The following LPP variants were observed in gnomAD, a reference collection of about 807,000 sequenced individuals.
The protein encoded by LPP is lipoma-preferred partner.
Under a neutral mutation model 60.4 loss-of-function variants are expected in LPP, and 38 were observed. That is an observed-to-expected ratio of 0.63 (90% CI 0.49 to 0.83). The LOEUF is 0.83. Among genes scored for constraint, LPP ranks in the 40% least tolerant of loss-of-function variants. LPP has a pLI of 0.00. For synonymous variants in LPP, 328 were observed against 290.8 expected, an observed-to-expected ratio of 1.13 and a Z score of -1.30; for missense variants, 902 against 783.6, an observed-to-expected ratio of 1.15 and a Z score of -1.80.
At chr3:188,757,756 T>C (rs979464415) in intron 8 of LPP, among the ~76,000 whole-genome samples, 8 of 152,158 alleles carry the variant, frequency 5.3e-5, no homozygotes, top group Admixed American at 1.3e-4. Context: ...ATCATATGGA[T>C]TGGTAATCCA....
intron 1 of LPP, among the ~76,000 whole-genome samples, chr3:188,185,858 T>C (rs1726445403): frequency 7.1e-6 from 1 of 141,518 alleles, no homozygotes; most frequent in African/African-American, 2.5e-5. Context: ...CTGATTCATG[T>C]CTCCCCTCTC....
chr3:188,395,840 G>A (rs528978326), intron 3 of LPP, among the ~76,000 whole-genome samples: 30 of 152,202 alleles, frequency 2.0e-4, no homozygotes, highest in African/African-American at 7.2e-4. Flanking sequence ...CTTGAGTCTA[G>A]GAGTTGCAGG....
At chr3:188,607,676 G>A (rs572761579) in intron 6 of LPP, among the ~76,000 whole-genome samples, 1 of 151,676 alleles carries the variant, frequency 6.6e-6, no homozygotes, top group African/African-American at 2.4e-5. Context: ...GTTTTATTAT[G>A]ATTTAACATT....
intron 6 of LPP, among the ~76,000 whole-genome samples, chr3:188,607,765 A>G (rs1033113999): frequency 6.6e-6 from 1 of 152,202 alleles, no homozygotes; most frequent in Admixed American, 6.5e-5. Context: ...ATACTTCAAA[A>G]TTCACCTATT....
intron 8 of LPP, among the ~76,000 whole-genome samples, chr3:188,737,370 T>C (rs1310084577): frequency 6.6e-6 from 1 of 152,186 alleles, no homozygotes; most frequent in Non-Finnish European, 1.5e-5. Context: ...AAAGATTTTA[T>C]GAGCCAGTAA....
intron 3 of LPP, among the ~76,000 whole-genome samples, chr3:188,370,515 A>G (rs1275654095): frequency 6.6e-6 from 1 of 152,088 alleles, no homozygotes; most frequent in African/African-American, 2.4e-5. Context: ...TAACTCCTCA[A>G]TTAGATTCCG....
chr3:188,718,996 C>T (rs1044730393), intron 8 of LPP, among the ~76,000 whole-genome samples: 5 of 151,916 alleles, frequency 3.3e-5, no homozygotes, highest in African/African-American at 1.2e-4. Context: ...TTTTTTAATT[C>T]ACTTAAGGGC....
rs1256265352 is a variant in LPP at position 188,280,227 on chromosome 3, A to G, written c.-67+54700A>G. On this transcript the variant is annotated intron_variant, in intron 2 of 11. Coordinates refer to ENST00000617246, the MANE Select transcript of LPP (RefSeq NM_001375462.1). ...TTTGTAACCCGAAGAGGGTGATGTA[A>G]TGGCCCAGATGAAAGGAGAAAGCGG... 2.0e-5 allele frequency among the ~76,000 whole-genome samples: 3 copies of G among 152,128 alleles called. No homozygotes were observed. The East Asian group carries it at 5.8e-4, about 29-fold the overall frequency.
chr3:188,253,892 C>T (rs1730774217), intron 2 of LPP, among the ~76,000 whole-genome samples: 1 of 152,240 alleles, frequency 6.6e-6, no homozygotes, highest in East Asian at 1.9e-4. Context: ...TCCTCTGGTT[C>T]CTCGCCGCAT....
At chr3:188,288,624 C>G (rs1013518413) in intron 2 of LPP, among the ~76,000 whole-genome samples, 39 of 152,018 alleles carry the variant, frequency 2.6e-4, no homozygotes. Context: ...CTACACCTGT[C>G]TATACACATA....
At chr3:188,708,184 T>C (rs1016687431) in intron 7 of LPP, 83 bp from the exon 8 acceptor site, 2 of 1,512,672 alleles carry the variant, frequency 1.3e-6, no homozygotes, top group Admixed American at 3.7e-5. Flanking sequence ...TCCTCTCCAG[T>C]GCAATCGCTG....
At chr3:188,297,540 A>C (rs1038143923) in intron 2 of LPP, among the ~76,000 whole-genome samples, 5 of 152,246 alleles carry the variant, frequency 3.3e-5, no homozygotes, top group African/African-American at 1.2e-4. Context: ...TTGCTTAAAG[A>C]AAACAAAAGA....
intron 4 of LPP, among the ~76,000 whole-genome samples, chr3:188,410,577 C>G (rs571720137): frequency 1.3e-5 from 2 of 152,034 alleles, no homozygotes; most frequent in African/African-American, 4.8e-5. Flanking sequence ...TCTCAGGGTC[C>G]TTTTATTTTA....
chr3:188,231,223 A>G (rs1248010219), intron 2 of LPP, among the ~76,000 whole-genome samples: 1 of 152,180 alleles, frequency 6.6e-6, no homozygotes, highest in African/African-American at 2.4e-5. Flanking sequence ...ATATGAGCAC[A>G]AGGTTATTAA....
Position 188,414,503 on chromosome 3 carries a change from T to A in LPP, c.193+8190T>A, listed in dbSNP as rs565785681. ...AGTAATGAATATGTGATAATATAAGTATAATAATAATTTAGCATGTTATCC... is the reference window on the plus strand; with the variant it reads ...AGTAATGAATATGTGATAATATAAGAATAATAATAATTTAGCATGTTATCC... On this transcript the variant is annotated intron_variant, in intron 4 of 11. Transcript: ENST00000617246. 3.8e-3 allele frequency among the ~76,000 whole-genome samples: 571 copies of A among 152,238 alleles called. 3 individuals carry two copies. The highest frequency in any genetic ancestry group is 0.013 in the African/African-American group (547 of 41,544).
intron 3 of LPP, among the ~76,000 whole-genome samples, chr3:188,371,014 G>A (rs1051971449): frequency 2.0e-5 from 3 of 151,976 alleles, no homozygotes; most frequent in African/African-American, 7.3e-5. Flanking sequence ...TCACACCCAC[G>A]GAAATTGGGA....
At chr3:188,806,623 G>A (rs1749227228) in intron 9 of LPP, among the ~76,000 whole-genome samples, 1 of 151,552 alleles carries the variant, frequency 6.6e-6, no homozygotes, top group Non-Finnish European at 1.5e-5. Flanking sequence ...TTCTCTTCCT[G>A]CCTTTCTTTG....
chr3:188,294,204 T>C (rs185844149), intron 2 of LPP, among the ~76,000 whole-genome samples: 9 of 151,534 alleles, frequency 5.9e-5, no homozygotes, highest in Non-Finnish European at 1.0e-4. Flanking sequence ...GGGTAGAGGA[T>C]AGGTAGTGAT....
At chr3:188,667,894 T>C (rs1856149878) in intron 7 of LPP, among the ~76,000 whole-genome samples, 1 of 152,048 alleles carries the variant, frequency 6.6e-6, no homozygotes, top group African/African-American at 2.4e-5. Flanking sequence ...TTTCTCTTGA[T>C]GAAGCCTTGA....
Sources: gnomAD v4.1 joint callset for allele counts (sites outside exome capture counted in the v4.1 genomes callset) on GRCh38, gnomAD v4.1.1 for gene constraint, MANE v1.5 for transcripts, NCBI Gene and HGNC (gene_info 2026-07-23, HGNC 2026-07-21) for gene names.